The following TBC1D22B variants were observed in gnomAD, a reference collection of about 807,000 sequenced individuals.
TBC1D22B encodes chromosome 6 open reading frame 197.
A neutral mutation model predicts 69.1 loss-of-function variants in TBC1D22B; 32 were observed. The ratio of observed to expected loss-of-function variants is 0.46; its 90% CI spans 0.35 to 0.62. The LOEUF (loss-of-function observed/expected upper bound fraction) is 0.62, where lower values mean the gene tolerates loss of function less well. TBC1D22B is among the 20% of genes least tolerant of loss of function. The probability of loss-of-function intolerance (pLI) is 0.00; values close to 1 mark genes in which losing one functional copy is unlikely to be tolerated. For synonymous variants in TBC1D22B, 206 were observed against 229.8 expected, an observed-to-expected ratio of 0.90 and a Z score of 0.94; for missense variants, 462 against 630.9, an observed-to-expected ratio of 0.73 and a Z score of 2.87.
intron 8 of TBC1D22B, among the ~76,000 whole-genome samples, chr6:37,294,213 AT>A (rs944132120): frequency 6.6e-6 from 1 of 152,122 alleles, no homozygotes; most frequent in African/African-American, 2.4e-5. Flanking sequence ...AAATTTAATT[AT>A]TTTTTTAAGA....
At chr6:37,314,468 G>A (rs1264894848) in intron 10 of TBC1D22B, among the ~76,000 whole-genome samples, 1 of 152,174 alleles carries the variant, frequency 6.6e-6, no homozygotes, top group African/African-American at 2.4e-5. Flanking sequence ...GTGGGGTGGG[G>A]AAATTGAGAT....
chr6:37,279,345 A>G lies in TBC1D22B; in HGVS notation c.155A>G (p.Lys52Arg). ...ERSKVNTVPL[K>R]NKKASSFHEF... ...TCAAAAGTCAACACAGTTCCTCTGA[A>G]GAATAAGAAGGCCTCCAGTTTTCAT... Residue 52 changes from lysine to arginine, a missense_variant, in exon 3 of 13, where the codon AAG becomes AGG. This residue lies in a region of TBC1D22B where 237 missense variants were observed against 255.4 expected (regional missense o/e 0.93). Coordinates refer to ENST00000373491, the MANE Select transcript of TBC1D22B (RefSeq NM_017772.4). The G allele has an allele frequency of 3.7e-6, 6 of 1,612,660 alleles. No individual in the cohort carries two copies. Among genetic ancestry groups the G allele is most frequent in the Non-Finnish European group, 5.1e-6 (6 of 1,179,498 alleles).
intron 8 of TBC1D22B, among the ~76,000 whole-genome samples, chr6:37,305,095 C>T (rs150257556): frequency 6.6e-6 from 1 of 151,842 alleles, no homozygotes; most frequent in Non-Finnish European, 1.5e-5. Flanking sequence ...ATCCTGTTGT[C>T]TTGTCTTGCT....
At position 37,308,786 on chromosome 6, in the gene TBC1D22B, T is replaced by C. The variant is rs570115493; in HGVS notation, c.983-4132T>C. On this transcript the variant is annotated intron_variant, in intron 8 of 12. Transcript: ENST00000373491. ...GGATGGCAGGTATATCAGTTAGGAT[T>C]AAGTTTGGCTGTGAATAATAGAGAT... Among the ~76,000 whole-genome samples the C allele has an allele frequency of 3.3e-5, 5 of 152,294 alleles. No homozygotes were observed. In the South Asian group the frequency reaches 1.0e-3, roughly 32 times the overall value.
In TBC1D22B at chr6:37,281,712, C is replaced by T. The variant is rs187001066; in HGVS notation, c.422-473C>T. ...TTTGTGGTGTCATCTGCAGTGTCAT[C>T]ATTCCTTATGTGCTCTGTGGTGTGG... is the stretch of plus-strand genomic sequence containing the variant. On this transcript the variant is annotated intron_variant, in intron 3 of 12. Coordinates refer to ENST00000373491, the MANE Select transcript of TBC1D22B (RefSeq NM_017772.4). 2.1e-4 allele frequency among the ~76,000 whole-genome samples: 32 copies of T among 152,346 alleles called. No homozygotes were observed. In the East Asian group the frequency reaches 6.0e-3, roughly 28 times the overall value.
intron 8 of TBC1D22B, among the ~76,000 whole-genome samples, chr6:37,295,015 C>T (rs1034315943): frequency 1.3e-5 from 2 of 152,164 alleles, no homozygotes; most frequent in African/African-American, 4.8e-5. Context: ...TTTGAAATGA[C>T]AGGAAAAGAT....
intron 7 of TBC1D22B, 62 bp from the exon 8 acceptor site, chr6:37,291,181 G>T: frequency 8.5e-7 from 1 of 1,174,896 alleles, no homozygotes; most frequent in East Asian, 2.4e-5. Context: ...GTAGGTAAAC[G>T]GAGGGAAGGA....
At chr6:37,311,380 A>C (rs567630523) in intron 8 of TBC1D22B, among the ~76,000 whole-genome samples, 40 of 152,280 alleles carry the variant, frequency 2.6e-4, no homozygotes, top group Non-Finnish European at 4.4e-4. Context: ...CTTAGAAATG[A>C]AAAGGCTGGG....
rs546948447 is a variant in TBC1D22B at position 37,328,095 on chromosome 6, C to T, written c.1390-2949C>T. On this transcript the variant is annotated intron_variant, in intron 12 of 12. Coordinates refer to ENST00000373491, the MANE Select transcript of TBC1D22B (RefSeq NM_017772.4). ...TTGGGAGGCTGAGGCGGGCGGATCA[C>T]CTGAGGTCAGGAGTTCGAGACCAGC... 4.4e-3 allele frequency among the ~76,000 whole-genome samples: 603 copies of T among 138,116 alleles called. 1 individual carries two copies. Among genetic ancestry groups the T allele is most frequent in the Admixed American group, 9.6e-3 (135 of 14,062 alleles). The allele number at this position is 138,116 out of a possible 152,430, so 90.6% of individuals were successfully genotyped here. A position where few individuals can be genotyped will look rare whatever the true frequency, so the allele number is the denominator to read the frequency against.
chr6:37,312,887 C>A (rs1047221272), intron 8 of TBC1D22B, 31 bp from the exon 9 acceptor site: 18 of 1,566,132 alleles, frequency 1.1e-5, no homozygotes, highest in Non-Finnish European at 1.6e-5. Flanking sequence ...TAGATAAGAC[C>A]TCTGGACTTT....
chr6:37,306,125 C>T lies in TBC1D22B; in HGVS notation c.983-6793C>T, dbSNP rs190336420. ...GTGTGCGTTTGGTGGGACAGTGGTG[C>T]GTCCAGTGCTGGATTTCCTGTCATT... On this transcript the variant is annotated intron_variant, in intron 8 of 12. Coordinates refer to ENST00000373491, the MANE Select transcript of TBC1D22B (RefSeq NM_017772.4). 7.2e-5 allele frequency among the ~76,000 whole-genome samples: 11 copies of T among 152,292 alleles called. No homozygotes were observed. In the East Asian group the frequency reaches 2.1e-3, roughly 29 times the overall value.
Position 37,305,830 on chromosome 6 carries a change from A to G in TBC1D22B, c.983-7088A>G, listed in dbSNP as rs376902856. Among the ~76,000 whole-genome samples the G allele has an allele frequency of 1.5e-4, 23 of 152,238 alleles. No homozygotes were observed. In the South Asian group the frequency reaches 2.5e-3, roughly 16 times the overall value. Reference sequence around the variant, plus strand: ...CCACCGCGCCCGGTCAGTTTTGCCTATTTCTAAGCTTTATCTAATTTGAAT... The same window carrying G: ...CCACCGCGCCCGGTCAGTTTTGCCTGTTTCTAAGCTTTATCTAATTTGAAT... On this transcript the variant is annotated intron_variant, in intron 8 of 12. Coordinates refer to ENST00000373491, the MANE Select transcript of TBC1D22B (RefSeq NM_017772.4).
chr6:37,312,415 A>T (rs1204936648), intron 8 of TBC1D22B, among the ~76,000 whole-genome samples: 1 of 152,158 alleles, frequency 6.6e-6, no homozygotes, highest in African/African-American at 2.4e-5. Flanking sequence ...TTCTCTTTTG[A>T]GTGGCAAGAC....
At chr6:37,272,869 G>T (rs973185020) in intron 2 of TBC1D22B, among the ~76,000 whole-genome samples, 3 of 152,168 alleles carry the variant, frequency 2.0e-5, no homozygotes, top group African/African-American at 7.2e-5. Flanking sequence ...TCATGCTCAA[G>T]AACCGTAATT....
intron 8 of TBC1D22B, among the ~76,000 whole-genome samples, chr6:37,302,476 C>T (rs1357276757): frequency 6.6e-6 from 1 of 152,142 alleles, no homozygotes; most frequent in African/African-American, 2.4e-5. Flanking sequence ...AAATAAACTG[C>T]TTAACAGGAA....
Position 37,316,743 on chromosome 6 carries a change from C to T in TBC1D22B, c.1206C>T (p.Tyr402=). 3 of 1,614,204 alleles carry T rather than the reference C, an allele frequency of 1.9e-6. No individual in the cohort carries two copies. The highest frequency in any genetic ancestry group is 2.5e-6 in the Non-Finnish European group (3 of 1,180,048). Residue 402 remains tyrosine, a synonymous_variant, in exon 11 of 13, where the codon TAC becomes TAT. Coordinates refer to ENST00000373491, the MANE Select transcript of TBC1D22B (RefSeq NM_017772.4). ...HNHFRRYEVE[Y]LQFAFRWMNN... ...ACTTCAGGAGGTACGAGGTAGAATACCTGCAGTTTGCCTTCCGCTGGATGA... is the reference window on the plus strand; with the variant it reads ...ACTTCAGGAGGTACGAGGTAGAATATCTGCAGTTTGCCTTCCGCTGGATGA...
At chr6:37,328,684 C>T (rs955360019) in intron 12 of TBC1D22B, among the ~76,000 whole-genome samples, 5 of 152,032 alleles carry the variant, frequency 3.3e-5, no homozygotes, top group Non-Finnish European at 5.9e-5. Context: ...AAATGGCTTC[C>T]TCTTGATCGT....
chr6:37,291,941 T>TCTGC (rs1312102920), intron 8 of TBC1D22B, among the ~76,000 whole-genome samples: 1 of 152,212 alleles, frequency 6.6e-6, no homozygotes, highest in Admixed American at 6.5e-5. Context: ...AGTCCCAGCC[T>TCTGC]CTGCCAGCCA....
At chr6:37,323,591 G>A (rs1169380412) in intron 12 of TBC1D22B, among the ~76,000 whole-genome samples, 2 of 152,186 alleles carry the variant, frequency 1.3e-5, no homozygotes, top group Non-Finnish European at 2.9e-5. Flanking sequence ...TTCTTTTGTA[G>A]GAGACAGGTC....
Sources: allele counts gnomAD v4.1 joint callset (sites outside exome capture counted in the v4.1 genomes callset), GRCh38; gene constraint gnomAD v4.1.1; regional missense constraint gnomAD v4.1.1; transcripts MANE v1.5; gene names NCBI Gene and HGNC (gene_info 2026-07-23, HGNC 2026-07-21).